POC1B: variants seen among roughly 807,000 people sequenced by gnomAD.
POC1B encodes the protein POC1 centriolar protein B.
POC1B carries 44 observed loss-of-function variants against 60.6 expected under a neutral mutation model. The ratio of observed to expected loss-of-function variants is 0.73; its 90% CI spans 0.57 to 0.93. The LOEUF (loss-of-function observed/expected upper bound fraction) is 0.93, where lower values mean the gene tolerates loss of function less well. Ranked by LOEUF, POC1B falls within the 40% of genes least tolerant of loss-of-function variation. The probability of loss-of-function intolerance (pLI) is 0.00; values close to 1 mark genes in which losing one functional copy is unlikely to be tolerated. For missense variants in POC1B, 555 were observed against 572.3 expected (o/e 0.97, Z 0.31); for synonymous variants, 180 against 198.9 (o/e 0.90, Z 0.80).
intron 7 of POC1B, among the ~76,000 whole-genome samples, chr12:89,469,996 C>T (rs1000802102): frequency 6.6e-5 from 10 of 151,948 alleles, no homozygotes; most frequent in African/African-American, 2.4e-4. Flanking sequence ...GCCTCCCAAC[C>T]AAGTAGCTTG....
intron 10 of POC1B, among the ~76,000 whole-genome samples, chr12:89,449,954 A>G (rs1430061036): frequency 6.6e-6 from 1 of 152,186 alleles, no homozygotes; most frequent in Non-Finnish European, 1.5e-5. Flanking sequence ...TTTGTTAACT[A>G]TAAATCTGTA....
At chr12:89,406,504 C>G in the POC1B span, among the ~76,000 whole-genome samples, 1 of 152,080 alleles carries the variant, frequency 6.6e-6, no homozygotes, top group South Asian at 2.1e-4. Flanking sequence ...AAGGAGGCAG[C>G]ATAGAGCAGT....
At chr12:89,425,440 T>C in intron 10 of POC1B, 61 bp from the exon 11 acceptor site, 1 of 1,321,774 alleles carries the variant, frequency 7.6e-7, no homozygotes, top group African/African-American at 1.5e-5. Flanking sequence ...ATGATATATA[T>C]AAAAGTTTAA....
chr12:89,458,635 C>A (rs2120799090), intron 10 of POC1B, among the ~76,000 whole-genome samples: 1 of 152,256 alleles, frequency 6.6e-6, no homozygotes, highest in East Asian at 1.9e-4. Flanking sequence ...ATGGACTAGT[C>A]CTCTGTAGAA....
chr12:89,525,283 C>T, intron 1 of POC1B, 79 bp from the exon 2 acceptor site: 1 of 1,518,192 alleles, frequency 6.6e-7, no homozygotes, highest in Non-Finnish European at 8.8e-7. Flanking sequence ...CTGCCACTTC[C>T]CCGGAGTCCG....
At chr12:89,476,728 A>T (rs1883122496) in intron 4 of POC1B, among the ~76,000 whole-genome samples, 1 of 130,410 alleles carries the variant, frequency 7.7e-6, no homozygotes, top group Non-Finnish European at 1.7e-5. Context: ...ATAGATAGAT[A>T]GATAGATAGA....
rs140988321 is a variant in POC1B, at chr12:89,511,210, G to A, written c.101-13868C>T. On this transcript the variant is annotated intron_variant, in intron 2 of 11. Coordinates refer to ENST00000313546, the MANE Select transcript of POC1B (RefSeq NM_172240.3). ...GGCTGAGGCGGGTAGATCACCTGAG[G>A]TCAGGAGTTCGAGACCAGCCTGGAC... 5.1e-3 allele frequency among the ~76,000 whole-genome samples: 780 copies of A among 151,768 alleles called. 10 individuals carry two copies. The highest frequency in any genetic ancestry group is 0.018 in the African/African-American group (731 of 41,406).
At chr12:89,457,247 A>G (rs1882297092) in intron 10 of POC1B, among the ~76,000 whole-genome samples, 1 of 152,246 alleles carries the variant, frequency 6.6e-6, no homozygotes, top group Non-Finnish European at 1.5e-5. Context: ...TGCAGAAGCA[A>G]AAGAGAAACT....
At chr12:89,439,501 G>T (rs112549501) in intron 10 of POC1B, among the ~76,000 whole-genome samples, 2 of 152,290 alleles carry the variant, frequency 1.3e-5, no homozygotes, top group African/African-American at 4.8e-5. Context: ...TGGTAGGTCT[G>T]GGGTGGGACC....
Position 89,523,275 on chromosome 12 carries a change from G to A in POC1B, c.100+1845C>T, listed in dbSNP as rs770188447. 6 of 1,613,892 alleles carry A rather than the reference G, an allele frequency of 3.7e-6. No individual in the cohort carries two copies. The African/African-American group carries it at 6.7e-5, about 18-fold the overall frequency. Reference sequence around the variant, plus strand: ...TAGGAAAAACGTTTTTCAAATACCAGTCAAAGCTCTTGCATCTCAACCGCT... The same window carrying A: ...TAGGAAAAACGTTTTTCAAATACCAATCAAAGCTCTTGCATCTCAACCGCT... On this transcript the variant is annotated intron_variant, in intron 2 of 11. Transcript: ENST00000313546.
chr12:89,466,748 C>A, intron 9 of POC1B, 22 bp downstream of exon 9: 1 of 1,589,674 alleles, frequency 6.3e-7, no homozygotes, highest in Non-Finnish European at 8.6e-7. Flanking sequence ...AAATGTAGGA[C>A]AAATATGAAC....
intron 2 of POC1B, among the ~76,000 whole-genome samples, chr12:89,497,570 G>GC (rs1869321111): frequency 6.6e-6 from 1 of 152,146 alleles, no homozygotes; most frequent in African/African-American, 2.4e-5. Context: ...AGGATGACTG[G>GC]CCCCCGTATT....
intron 10 of POC1B, chr12:89,427,228 A>G (rs1314984095): frequency 4.6e-5 from 7 of 152,284 alleles, no homozygotes; most frequent in Admixed American, 1.3e-4. Flanking sequence ...CTGAGAGTGC[A>G]GAAATAAACC....
intron 2 of POC1B, chr12:89,524,245 A>G: frequency 1.9e-6 from 3 of 1,613,936 alleles, no homozygotes; most frequent in Non-Finnish European, 2.5e-6. Context: ...GTAAATATTG[A>G]TGGCGTATCT....
At chr12:89,424,572 T>C (rs1324659139) in intron 11 of POC1B, among the ~76,000 whole-genome samples, 1 of 152,174 alleles carries the variant, frequency 6.6e-6, no homozygotes, top group Admixed American at 6.5e-5. Flanking sequence ...AAGGGAACAA[T>C]GAATCAACAG....
chr12:89,501,759 G>A, intron 2 of POC1B: 1 of 931,462 alleles, frequency 1.1e-6, no homozygotes, highest in Non-Finnish European at 1.8e-6. Flanking sequence ...AATTACCACT[G>A]CATCACAACA....
intron 3 of POC1B, among the ~76,000 whole-genome samples, chr12:89,495,308 G>A (rs1214547170): frequency 6.6e-6 from 1 of 152,214 alleles, no homozygotes; most frequent in Non-Finnish European, 1.5e-5. Flanking sequence ...CCAAAGTTAA[G>A]GGTTTTGGAA....
chr12:89,511,434 T>C (rs1870182517), intron 2 of POC1B, among the ~76,000 whole-genome samples: 2 of 151,656 alleles, frequency 1.3e-5, no homozygotes, highest in African/African-American at 2.4e-5. Flanking sequence ...AAAAAAAAAT[T>C]CCTGATAATT....
chr12:89,411,629 T>C, the POC1B span, among the ~76,000 whole-genome samples: 1 of 145,430 alleles, frequency 6.9e-6, no homozygotes, highest in Admixed American at 6.9e-5. Flanking sequence ...GTCTTAGATG[T>C]TCTCGTGAGT....
Sources: allele counts gnomAD v4.1 joint callset (sites outside exome capture counted in the v4.1 genomes callset), GRCh38; gene constraint gnomAD v4.1.1; transcripts MANE v1.5; gene names NCBI Gene and HGNC (gene_info 2026-07-23, HGNC 2026-07-21).